Variants in SIMC1 observed in about 807,000 individuals in gnomAD.
The protein encoded by SIMC1 is SUMO interacting motifs containing 1, also known as SUMO-interacting motif-containing protein 1.
Under a neutral mutation model 82.3 loss-of-function variants are expected in SIMC1, and 55 were observed. That is an observed-to-expected ratio of 0.67 (90% CI 0.54 to 0.84). The LOEUF (loss-of-function observed/expected upper bound fraction) is 0.84, where lower values mean the gene tolerates loss of function less well. Among genes scored for constraint, SIMC1 ranks in the 40% least tolerant of loss-of-function variants. The probability of loss-of-function intolerance (pLI) is 0.00; values close to 1 mark genes in which losing one functional copy is unlikely to be tolerated. For missense variants in SIMC1, 915 were observed against 1,107.2 expected, an observed-to-expected ratio of 0.83 and a Z score of 2.46; for synonymous variants, 353 against 426.3, an observed-to-expected ratio of 0.83 and a Z score of 2.12.
chr5:176,323,504 A>C (rs1765249408), intron 6 of SIMC1, among the ~76,000 whole-genome samples: 1 of 152,212 alleles, frequency 6.6e-6, no homozygotes, highest in Non-Finnish European at 1.5e-5. Context: ...ACAACTTTAC[A>C]AAATAGATAT....
chr5:176,255,443 T>G (rs899868987), intron 1 of SIMC1, among the ~76,000 whole-genome samples: 10 of 151,776 alleles, frequency 6.6e-5, no homozygotes, highest in African/African-American at 2.2e-4. Context: ...ATGAGCTGGG[T>G]GTAGTGGCGC....
chr5:176,268,483 A>G, intron 1 of SIMC1, among the ~76,000 whole-genome samples: 1 of 144,824 alleles, frequency 6.9e-6, no homozygotes, highest in African/African-American at 2.6e-5. Flanking sequence ...AAGGATAGAA[A>G]GAAATATACC....
intron 1 of SIMC1, among the ~76,000 whole-genome samples, chr5:176,274,723 T>C (rs1328142676): frequency 2.0e-5 from 3 of 151,880 alleles, no homozygotes; most frequent in Non-Finnish European, 2.9e-5. Flanking sequence ...TTTCTACATA[T>C]GGCTAGCCAG....
intron 5 of SIMC1, among the ~76,000 whole-genome samples, 158 bp from the exon 6 acceptor site, chr5:176,322,115 G>T (rs1374163021): frequency 6.6e-6 from 1 of 151,852 alleles, no homozygotes; most frequent in African/African-American, 2.4e-5. Flanking sequence ...GGGCCCTTTT[G>T]TTGCCTGTAG....
chr5:176,261,550 C>T (rs1762016146), intron 1 of SIMC1, among the ~76,000 whole-genome samples: 2 of 152,006 alleles, frequency 1.3e-5, no homozygotes, highest in Admixed American at 1.3e-4. Flanking sequence ...AGTTTGAGAC[C>T]AGCCTGGCCA....
At chr5:176,313,564 C>CT in intron 4 of SIMC1, 127 bp from the exon 5 acceptor site, 1 of 1,554,328 alleles carries the variant, frequency 6.4e-7, no homozygotes, top group Non-Finnish European at 8.8e-7. Context: ...AGGAGCCTCT[C>CT]TTTTAAGCAC....
intron 2 of SIMC1, 98 bp from the exon 3 acceptor site, chr5:176,294,932 T>G (rs1304208970): frequency 7.1e-7 from 1 of 1,408,082 alleles, no homozygotes; most frequent in Non-Finnish European, 9.2e-7. Context: ...GCCACTGCAC[T>G]CCAGCCTGGG....
chr5:176,280,965 T>G (rs902230473), intron 1 of SIMC1, among the ~76,000 whole-genome samples: 18 of 152,244 alleles, frequency 1.2e-4, no homozygotes, highest in Non-Finnish European at 2.1e-4. Context: ...TTCCTGAATC[T>G]GAATGTTGGC....
At chr5:176,344,445 C>T (rs376121855) in intron 9 of SIMC1, among the ~76,000 whole-genome samples, 4 of 150,832 alleles carry the variant, frequency 2.7e-5, no homozygotes, top group Non-Finnish European at 5.9e-5. Context: ...CCGAGGCTTG[C>T]GGATCACTTG....
intron 6 of SIMC1, among the ~76,000 whole-genome samples, chr5:176,323,987 CAAAAAAAAAAAAAAAAA>C (rs754656711): frequency 1.0e-5 from 1 of 96,952 alleles, no homozygotes; most frequent in African/African-American, 3.8e-5. Context: ...GACTCCATCT[CAAAAAAAAAAAAAAAAA>C]AAAAAAAAAA....
rs765253543 is a variant in SIMC1, at chr5:176,290,416, C to T, written c.892C>T (p.His298Tyr). The change falls in exon 2 of 10, where the codon CAT becomes TAT. Residue 298 changes from histidine (H) to tyrosine (Y), a missense_variant. Physicochemically the swap from His to Tyr is moderately conservative, Grantham distance 83 (BLOSUM62 2). Transcript: ENST00000429602. ...GCCAGGGCTGCCTCAAAGCATATTACATCCACAAGATGTGGCATACCTGCA... is the reference window on the plus strand; with the variant it reads ...GCCAGGGCTGCCTCAAAGCATATTATATCCACAAGATGTGGCATACCTGCA... Reference protein sequence around the residue: ...DVPGLPQSILHPQDVAYLQDM... With the variant: ...DVPGLPQSILYPQDVAYLQDM... The T allele has an allele frequency of 1.2e-6, 2 of 1,614,004 alleles. No homozygotes were observed. The highest frequency in any genetic ancestry group is 1.7e-5 in the Admixed American group (1 of 60,014).
rs1430763014 is a variant in SIMC1, at chr5:176,244,555, G to A, written c.129+5918G>A. On this transcript the variant is annotated intron_variant, in intron 1 of 9. Transcript: ENST00000429602. ...ACACCATAGTGTCCCAAGGGAGGAA[G>A]AGCAGCTAGTGAGGTTGGAGATAAA... Among the ~76,000 whole-genome samples the A allele has an allele frequency of 1.7e-4, 26 of 152,024 alleles. 1 individual carries two copies. Among genetic ancestry groups the A allele is most frequent in the African/African-American group, 6.3e-4 (26 of 41,314 alleles).
At chr5:176,272,198 AG>A (rs70991522) in intron 1 of SIMC1, among the ~76,000 whole-genome samples, 42,498 of 116,746 alleles carry the variant, frequency 0.36, 12,685 homozygotes, top group Non-Finnish European at 0.48. Flanking sequence ...AAAAAAAAAA[AG>A]GTGGGCATGG....
chr5:176,314,569 A>G (rs1486934430), intron 5 of SIMC1, among the ~76,000 whole-genome samples: 2 of 152,248 alleles, frequency 1.3e-5, no homozygotes, highest in African/African-American at 4.8e-5. Flanking sequence ...CTATAACAAT[A>G]GGTCATGTAG....
At chr5:176,263,314 A>T in intron 1 of SIMC1, 2 of 829,386 alleles carry the variant, frequency 2.4e-6, no homozygotes, top group Non-Finnish European at 3.6e-6. Context: ...GGGACAAAAG[A>T]TTCAGAATAG....
intron 2 of SIMC1, among the ~76,000 whole-genome samples, chr5:176,292,158 T>C (rs1168791862): frequency 6.6e-6 from 1 of 152,216 alleles, no homozygotes; most frequent in Non-Finnish European, 1.5e-5. Context: ...CTATCACTTA[T>C]GGGCCTCCAA....
intron 2 of SIMC1, among the ~76,000 whole-genome samples, chr5:176,293,003 C>T (rs776759538): frequency 1.1e-4 from 16 of 152,074 alleles, no homozygotes; most frequent in African/African-American, 7.2e-5. Context: ...CTGAAGTTTA[C>T]GCCACGTGTG....
intron 1 of SIMC1, among the ~76,000 whole-genome samples, chr5:176,272,592 G>A (rs534050215): frequency 1.1e-4 from 17 of 152,244 alleles, no homozygotes; most frequent in East Asian, 5.8e-4. Flanking sequence ...GTGGGTGCAC[G>A]ACAGTGGGTG....
At chr5:176,248,232 T>C (rs1761516138) in intron 1 of SIMC1, among the ~76,000 whole-genome samples, 1 of 152,130 alleles carries the variant, frequency 6.6e-6, no homozygotes, top group East Asian at 1.9e-4. Flanking sequence ...ATTCTTCCTA[T>C]CCATGAGCAT....
Sources: allele counts gnomAD v4.1 joint callset (sites outside exome capture counted in the v4.1 genomes callset), GRCh38; gene constraint gnomAD v4.1.1; transcripts MANE v1.5; gene names NCBI Gene and HGNC (gene_info 2026-07-23, HGNC 2026-07-21).